ADAMTSL3: variants seen among roughly 807,000 people sequenced by gnomAD.
ADAMTSL3 encodes the protein ADAMTS like 3.
In ADAMTSL3, 128 loss-of-function variants were observed where a neutral mutation model predicts 201.7. The observed-to-expected ratio is 0.63, with a 90% CI of 0.55 to 0.73. The LOEUF (loss-of-function observed/expected upper bound fraction) is 0.73, where lower values mean the gene tolerates loss of function less well. ADAMTSL3 is among the 30% of genes least tolerant of loss of function. The probability of loss-of-function intolerance (pLI) is 0.00; values close to 1 mark genes in which losing one functional copy is unlikely to be tolerated. For missense variants in ADAMTSL3, 1,990 were observed against 2,119.6 expected (o/e 0.94, Z 1.20); for synonymous variants, 738 against 748.4 (o/e 0.99, Z 0.23).
intron 17 of ADAMTSL3, among the ~76,000 whole-genome samples, chr15:83,941,772 C>G (rs957591286): frequency 2.0e-5 from 3 of 152,174 alleles, no homozygotes; most frequent in Non-Finnish European, 2.9e-5. Context: ...AGCCAGCATC[C>G]TTTTATGAAC....
chr15:83,926,672 G>A (rs1239401204), intron 17 of ADAMTSL3, among the ~76,000 whole-genome samples: 7 of 150,658 alleles, frequency 4.6e-5, no homozygotes, highest in Non-Finnish European at 3.0e-5. Flanking sequence ...GGAGTGCAAT[G>A]GCACAATCTT....
At chr15:83,894,087 G>A (rs2065564444) in intron 13 of ADAMTSL3, among the ~76,000 whole-genome samples, 1 of 152,130 alleles carries the variant, frequency 6.6e-6, no homozygotes, top group African/African-American at 2.4e-5. Context: ...ATTGTATTGT[G>A]CATGAGTAGT....
At chr15:84,036,444 C>T (rs959958612) in intron 28 of ADAMTSL3, among the ~76,000 whole-genome samples, 1 of 152,132 alleles carries the variant, frequency 6.6e-6, no homozygotes, top group African/African-American at 2.4e-5. Context: ...TAATTCTCTT[C>T]CTTGCCAAAA....
intron 8 of ADAMTSL3, chr15:83,861,598 A>G (rs2064862611): frequency 6.5e-6 from 1 of 152,828 alleles, no homozygotes; most frequent in Non-Finnish European, 1.5e-5. Flanking sequence ...AACAGAAAGG[A>G]CATCCACACC....
intron 19 of ADAMTSL3, among the ~76,000 whole-genome samples, chr15:83,950,892 T>G (rs186379362): frequency 1.3e-5 from 2 of 152,068 alleles, no homozygotes; most frequent in East Asian, 3.9e-4. Context: ...GTTCTAATAG[T>G]TTTTTGGTGG....
chr15:83,923,160 G>C (rs534862599), intron 16 of ADAMTSL3, among the ~76,000 whole-genome samples: 43 of 152,268 alleles, frequency 2.8e-4, no homozygotes, highest in African/African-American at 9.6e-4. Context: ...ATGTACAAAA[G>C]AAAGATCACT....
chr15:83,800,207 G>A (rs1407604107), intron 4 of ADAMTSL3, among the ~76,000 whole-genome samples: 2 of 151,994 alleles, frequency 1.3e-5, no homozygotes, highest in East Asian at 1.9e-4. Flanking sequence ...TACATAGTAG[G>A]TTCACCATAA....
chr15:83,879,041 A>G (rs1025913274), intron 9 of ADAMTSL3, among the ~76,000 whole-genome samples: 2 of 152,170 alleles, frequency 1.3e-5, no homozygotes, highest in African/African-American at 2.4e-5. Flanking sequence ...TTAAAAAGCT[A>G]TTGGCATACT....
Position 83,791,842 on chromosome 15 carries a change from G to T in ADAMTSL3, c.318-12808G>T, listed in dbSNP as rs541135156. The stretch of plus-strand genomic sequence containing the variant: ...CCACTGCACTCCAGCCTGGGCGACA[G>T]AGTGAGACTCTGTCTCAAAAAAAAA... On this transcript the variant is annotated intron_variant, in intron 4 of 29. Coordinates refer to ENST00000286744, the MANE Select transcript of ADAMTSL3 (RefSeq NM_207517.3). Among the ~76,000 whole-genome samples, 182 of 150,774 alleles carry T rather than the reference G, an allele frequency of 1.2e-3. 4 individuals are homozygous for T. In the South Asian group the frequency reaches 0.017, roughly 14 times the overall value.
chr15:83,924,024 G>C lies in ADAMTSL3; in HGVS notation c.2108G>C (p.Cys703Ser). 1 of 1,614,072 alleles carries C rather than the reference G, an allele frequency of 6.2e-7. No homozygotes were observed. The highest frequency in any genetic ancestry group is 1.3e-5 in the African/African-American group (1 of 75,060). ...AMSQACNTEP[C>S]PPRWHVGSWG... ...AGCCAGGCCTGTAACACAGAGCCCT[G>C]TCCCCCCAGGTATGTGCTGTCTTGT... The change falls in exon 17 of 30, where the codon TGT becomes TCT. Residue 703 changes from cysteine to serine, a missense_variant. Coordinates refer to ENST00000286744, the MANE Select transcript of ADAMTSL3 (RefSeq NM_207517.3).
At chr15:83,883,858 G>T (rs145378152) in intron 9 of ADAMTSL3, among the ~76,000 whole-genome samples, 2 of 151,878 alleles carry the variant, frequency 1.3e-5, no homozygotes, top group Non-Finnish European at 2.9e-5. Context: ...GAGCCACTGT[G>T]CCTGGCCTGG....
chr15:83,840,222 A>C (rs1048526533), intron 7 of ADAMTSL3, among the ~76,000 whole-genome samples: 1 of 152,212 alleles, frequency 6.6e-6, no homozygotes, highest in Non-Finnish European at 1.5e-5. Context: ...GAGCAGTACC[A>C]TGGACCCCAA....
chr15:83,859,999 C>T (rs986624419), intron 8 of ADAMTSL3, among the ~76,000 whole-genome samples: 10 of 151,282 alleles, frequency 6.6e-5, no homozygotes, highest in Non-Finnish European at 8.8e-5. Context: ...CCCATCTCTA[C>T]GAAAAATTAA....
chr15:83,970,425 G>T, intron 19 of ADAMTSL3, 59 bp from the exon 20 acceptor site: 3 of 1,602,760 alleles, frequency 1.9e-6, no homozygotes, highest in East Asian at 2.2e-5. Context: ...CTTTGCTGTT[G>T]TTGGCTGGGT....
intron 8 of ADAMTSL3, among the ~76,000 whole-genome samples, chr15:83,865,168 C>T (rs182911324): frequency 3.0e-3 from 459 of 152,250 alleles, no homozygotes; most frequent in Non-Finnish European, 4.6e-3. Context: ...GAATCAGTAT[C>T]GTGAAAATGG....
chr15:83,772,445 T>A (rs1295837823), intron 3 of ADAMTSL3, among the ~76,000 whole-genome samples: 1 of 152,196 alleles, frequency 6.6e-6, no homozygotes, highest in East Asian at 1.9e-4. Context: ...TAATTTCCCT[T>A]CTTCTCTGTA....
chr15:83,843,263 A>G (rs556101411), intron 7 of ADAMTSL3, among the ~76,000 whole-genome samples: 2 of 149,806 alleles, frequency 1.3e-5, no homozygotes, highest in Admixed American at 1.3e-4. Flanking sequence ...AAAAAAATCA[A>G]TTTCTACGTA....
chr15:83,684,372 A>G, intron 2 of ADAMTSL3, among the ~76,000 whole-genome samples: 1 of 152,202 alleles, frequency 6.6e-6, no homozygotes, highest in East Asian at 1.9e-4. Flanking sequence ...TACTTTTGCT[A>G]CATATTTCTA....
intron 3 of ADAMTSL3, among the ~76,000 whole-genome samples, chr15:83,754,933 C>A (rs572188170): frequency 6.6e-6 from 1 of 152,262 alleles, no homozygotes; most frequent in African/African-American, 2.4e-5. Context: ...CTTAATTTCC[C>A]TACAACTTTC....
Sources: allele counts gnomAD v4.1 joint callset (sites outside exome capture counted in the v4.1 genomes callset), GRCh38; gene constraint gnomAD v4.1.1; transcripts MANE v1.5; gene names NCBI Gene and HGNC (gene_info 2026-07-23, HGNC 2026-07-21).